Variants in ITCH observed in about 807,000 individuals in gnomAD.
The protein encoded by ITCH is itchy E3 ubiquitin protein ligase.
In ITCH, 28 loss-of-function variants were observed where a neutral mutation model predicts 126.8. The observed-to-expected ratio is 0.22, with a 90% confidence interval of 0.16 to 0.30. The LOEUF (loss-of-function observed/expected upper bound fraction) is 0.30, where lower values mean the gene tolerates loss of function less well. Ranked by LOEUF, ITCH falls within the 10% of genes least tolerant of loss-of-function variation. The probability of loss-of-function intolerance (pLI) is 1.00; values close to 1 mark genes in which losing one functional copy is unlikely to be tolerated. For synonymous variants in ITCH, 342 were observed against 340.0 expected, an observed-to-expected ratio of 1.01 and a Z score of -0.06; for missense variants, 631 against 1,032.4, an observed-to-expected ratio of 0.61 and a Z score of 5.33.
rs34783163 is a variant in ITCH, at chr20:34,383,362, A to ATT, written c.-21-10409_-21-10408dup. On this transcript the variant is annotated intron_variant, in intron 2 of 24. Transcript: ENST00000374864. Reference sequence around the variant, plus strand: ...ACCATGCCAGTCTTGGGCTTGATAGATTTTTTTTTTTTTTTTTTTTTGAGA... The same window carrying ATT: ...ACCATGCCAGTCTTGGGCTTGATAGATTTTTTTTTTTTTTTTTTTTTTTGAGA... Among the ~76,000 whole-genome samples, 110 of 109,470 alleles carry ATT rather than the reference A, an allele frequency of 1.0e-3. 1 individual carries two copies. The highest frequency in any genetic ancestry group is 3.2e-3 in the African/African-American group (86 of 27,108). The allele number at this position is 109,470 out of a possible 152,430, so 71.8% of individuals were successfully genotyped here.
intron 2 of ITCH, among the ~76,000 whole-genome samples, chr20:34,372,384 C>CTTTTTTTTTTTTTTTTTTTTTTT (rs779017298): frequency 2.1e-5 from 2 of 93,156 alleles, no homozygotes; most frequent in African/African-American, 4.7e-5. Context: ...TTAAGTTCTA[C>CTTTTTTTTTTTTTTTTTTTTTTT]TTTTTTTTTT....
chr20:34,489,762 A>G (rs961663133), intron 21 of ITCH, 60 bp from the exon 22 acceptor site: 27 of 1,098,184 alleles, frequency 2.5e-5, no homozygotes, highest in East Asian at 9.4e-5. Flanking sequence ...AGTCTTTCCT[A>G]TGTCCAGCTG....
chr20:34,465,054 A>G (rs1453284088), intron 14 of ITCH, among the ~76,000 whole-genome samples: 3 of 152,122 alleles, frequency 2.0e-5, no homozygotes, highest in Non-Finnish European at 4.4e-5. Context: ...TCTTTTATCC[A>G]TTTTAAGTTA....
chr20:34,396,189 A>C (rs549668085), intron 3 of ITCH, among the ~76,000 whole-genome samples: 23 of 151,168 alleles, frequency 1.5e-4, no homozygotes, highest in African/African-American at 5.6e-4. Flanking sequence ...ACGCACAACC[A>C]TGTGTAGCTA....
At chr20:34,482,506 C>G (rs983100614) in intron 20 of ITCH, among the ~76,000 whole-genome samples, 1 of 152,202 alleles carries the variant, frequency 6.6e-6, no homozygotes, top group Non-Finnish European at 1.5e-5. Flanking sequence ...TCCAGCAGGG[C>G]AGTCAAATCT....
At chr20:34,497,395 A>G (rs544627546) in intron 23 of ITCH, among the ~76,000 whole-genome samples, 5 of 152,102 alleles carry the variant, frequency 3.3e-5, no homozygotes, top group Non-Finnish European at 7.4e-5. Context: ...TGTGTCTGCT[A>G]TTATGCCAGT....
intron 1 of ITCH, among the ~76,000 whole-genome samples, chr20:34,364,799 G>A (rs1041750230): frequency 6.7e-6 from 1 of 149,446 alleles, no homozygotes; most frequent in Non-Finnish European, 1.5e-5. Context: ...GCTGAGGCAG[G>A]AGAATGGCTT....
At chr20:34,465,276 A>G (rs1986943528) in intron 14 of ITCH, among the ~76,000 whole-genome samples, 2 of 151,102 alleles carry the variant, frequency 1.3e-5, no homozygotes, top group African/African-American at 2.4e-5. Flanking sequence ...ATACCACGCT[A>G]TAGCTTTGTA....
rs59876098 is a variant in ITCH at position 34,394,209 on chromosome 20, C to CAA, written c.70+350_70+351dup. Among the ~76,000 whole-genome samples the CAA allele has an allele frequency of 8.9e-3, 537 of 60,302 alleles. 16 individuals carry two copies. Among genetic ancestry groups the CAA allele is most frequent in the African/African-American group, 0.019 (316 of 16,370 alleles). 39.6% of individuals were successfully genotyped at this position (60,302 alleles called of 152,430 possible). A position where few individuals can be genotyped will look rare whatever the true frequency, so the allele number is the denominator to read the frequency against. On this transcript the variant is annotated intron_variant, in intron 3 of 24. Coordinates refer to ENST00000374864, the MANE Select transcript of ITCH (RefSeq NM_031483.7). ...CCTGGGTGATAGGGTGAGACTGTCTCAAAAAAAAAAAAAAAAAAAAAAACT... is the reference window on the plus strand; with the variant it reads ...CCTGGGTGATAGGGTGAGACTGTCTCAAAAAAAAAAAAAAAAAAAAAAAAACT...
chr20:34,463,145 C>T (rs1986701854), intron 14 of ITCH, among the ~76,000 whole-genome samples: 1 of 152,156 alleles, frequency 6.6e-6, no homozygotes, highest in East Asian at 1.9e-4. Context: ...GGCGGATCAC[C>T]TGATATCAGG....
At chr20:34,453,519 C>T (rs1985499833) in intron 12 of ITCH, among the ~76,000 whole-genome samples, 1 of 152,036 alleles carries the variant, frequency 6.6e-6, no homozygotes. Flanking sequence ...GTTGCTTGAG[C>T]CCCGGAGGTC....
chr20:34,419,200 A>G (rs1980400550), intron 6 of ITCH, among the ~76,000 whole-genome samples: 1 of 152,196 alleles, frequency 6.6e-6, no homozygotes, highest in South Asian at 2.1e-4. Flanking sequence ...TTTACAATTT[A>G]CAAAGCCCGT....
chr20:34,484,881 T>G (rs1269195701), intron 20 of ITCH, among the ~76,000 whole-genome samples: 3 of 152,214 alleles, frequency 2.0e-5, no homozygotes, highest in Non-Finnish European at 4.4e-5. Context: ...CATGTAAATA[T>G]GACCCAAATT....
rs753344003 is a variant in ITCH, at chr20:34,408,626, A to G, written c.71-25A>G. The G allele has an allele frequency of 1.1e-5, 17 of 1,584,998 alleles. No individual in the cohort carries two copies. In the African/African-American group the frequency reaches 2.2e-4, roughly 20 times the overall value. ...AGTGAATTAACATCTCAACTATTGA[A>G]ATGTTTTTCATTTCTTTTACATAGT... On this transcript the variant is annotated intron_variant, in intron 3 of 24. Coordinates refer to ENST00000374864, the MANE Select transcript of ITCH (RefSeq NM_031483.7).
chr20:34,384,328 C>G (rs2038189919), intron 2 of ITCH: 1 of 138,434 alleles, frequency 7.2e-6, no homozygotes, highest in Admixed American at 8.3e-5. Flanking sequence ...GTCGCCCAGG[C>G]TGGAGTGCAG....
chr20:34,461,332 G>A (rs1172998042), intron 13 of ITCH, among the ~76,000 whole-genome samples: 1 of 152,148 alleles, frequency 6.6e-6, no homozygotes, highest in East Asian at 1.9e-4. Flanking sequence ...TCTGTTTTAG[G>A]ATGATACTCT....
intron 3 of ITCH, among the ~76,000 whole-genome samples, chr20:34,407,687 C>T (rs543842478): frequency 5.3e-5 from 8 of 152,328 alleles, no homozygotes; most frequent in Admixed American, 5.2e-4. Flanking sequence ...TTGCCTCTCT[C>T]TGGAATGCTG....
intron 6 of ITCH, among the ~76,000 whole-genome samples, chr20:34,418,976 G>A (rs557974081): frequency 2.4e-4 from 36 of 151,918 alleles, no homozygotes; most frequent in Non-Finnish European, 4.9e-4. Context: ...GGTCAGGCTG[G>A]TCTCAAATTC....
intron 9 of ITCH, chr20:34,441,853 T>C (rs755304181): frequency 2.8e-5 from 8 of 284,848 alleles, no homozygotes; most frequent in Non-Finnish European, 4.8e-5. Context: ...CCCAAAGTGT[T>C]GGGATTACAG....
Sources: allele counts gnomAD v4.1 joint callset (sites outside exome capture counted in the v4.1 genomes callset), GRCh38; gene constraint gnomAD v4.1.1; transcripts MANE v1.5; gene names NCBI Gene and HGNC (gene_info 2026-07-23, HGNC 2026-07-21).